RBM42: variants seen among roughly 807,000 people sequenced by gnomAD.
RBM42 encodes RNA-binding protein 42.
A neutral mutation model predicts 41.4 loss-of-function variants in RBM42; 21 were observed. That is an observed-to-expected ratio of 0.51 (90% CI 0.36 to 0.73). RBM42 has a LOEUF of 0.73. RBM42 is among the 30% of genes least tolerant of loss of function. The pLI is 0.00. For synonymous variants in RBM42, 272 were observed against 271.2 expected (o/e 1.00, Z -0.03); for missense variants, 539 against 680.4 (o/e 0.79, Z 2.31).
chr19:35,631,762 T>C (rs1967410756), intron 4 of RBM42: 3 of 300,208 alleles, frequency 1.0e-5, no homozygotes, highest in South Asian at 7.0e-5. Context: ...GGAAGCATTA[T>C]GTACTGTCTG....
At chr19:35,631,765 A>G (rs891986010) in intron 4 of RBM42, 2 of 296,040 alleles carry the variant, frequency 6.8e-6, no homozygotes, top group Non-Finnish European at 1.3e-5. Flanking sequence ...AGCATTATGT[A>G]CTGTCTGTTG....
intron 2 of RBM42, among the ~76,000 whole-genome samples, chr19:35,630,495 C>A (rs571431151): frequency 5.9e-4 from 88 of 149,422 alleles, no homozygotes; most frequent in Non-Finnish European, 7.9e-4. Context: ...TGGCCAGGCA[C>A]GGTTGCTCAC....
rs1967510785 is a variant in RBM42 at position 35,637,102 on chromosome 19, G to A, written c.1136-56G>A. 1 of 1,507,462 alleles carries A rather than the reference G, an allele frequency of 6.6e-7. No individual in the cohort carries two copies. The highest frequency in any genetic ancestry group is 9.0e-7 in the Non-Finnish European group (1 of 1,108,464). 93.4% of individuals were successfully genotyped at this position (1,507,462 alleles called of 1,614,324 possible). On this transcript the variant is annotated intron_variant, in intron 8 of 9. Transcript: ENST00000262633. The surrounding 1 kb of genome is among the most constrained non-coding windows in gnomAD (Gnocchi z 7.0). ...GAAAAGGTGGGATCGTTCAGACAAG[G>A]TAGACACTGGGCAAGGCCTCTGCAT...
rs890311140 is a variant in RBM42 at position 35,637,334 on chromosome 19, G to A, written c.1312G>A (p.Ala438Thr). 4 of 1,614,210 alleles carry A rather than the reference G, an allele frequency of 2.5e-6. No homozygotes were observed. Among genetic ancestry groups the A allele is most frequent in the South Asian group, 1.1e-5 (1 of 91,090 alleles). Reference sequence around the variant, plus strand: ...CAAGGACCCCAGCGACTACGTGCGCGCCATGCGTGAGATGAATGGTGGGTG... The same window carrying A: ...CAAGGACCCCAGCGACTACGTGCGCACCATGCGTGAGATGAATGGTGGGTG... ...SFKDPSDYVR[A>T]MREMNGKYVG... The change falls in exon 9 of 10, where the codon GCC (alanine) becomes ACC (threonine). Residue 438 changes from alanine to threonine, a missense_variant. Ala to Thr is a moderately conservative substitution (Grantham distance 58). Coordinates refer to ENST00000262633, the MANE Select transcript of RBM42 (RefSeq NM_024321.5). This position sits in a 1 kb window ranked among gnomAD's most constrained non-coding sequence, Gnocchi z 7.0.
Position 35,631,369 on chromosome 19 carries a change from C to T in RBM42, c.406C>T (p.Pro136Ser). 4 of 1,614,186 alleles carry T rather than the reference C, an allele frequency of 2.5e-6. No homozygotes were observed. Among genetic ancestry groups the T allele is most frequent in the Non-Finnish European group, 2.5e-6 (3 of 1,180,032 alleles). The change falls in exon 4 of 10, where the codon CCA becomes TCA. Residue 136 changes from proline to serine, a missense_variant. Transcript: ENST00000262633. ...TGGTGATCGGAGTCACCTGGACAGC[C>T]CAGAGGCTCGAGAAGCCATGTTCCT... ...GPGDRSHLDSPEAREAMFLRR... is the reference protein window; with the variant it reads ...GPGDRSHLDSSEAREAMFLRR...
At chr19:35,635,762 C>T (rs1023897627) in intron 8 of RBM42, among the ~76,000 whole-genome samples, 6 of 152,136 alleles carry the variant, frequency 3.9e-5, no homozygotes, top group Non-Finnish European at 2.9e-5. Context: ...CCTTGTGATC[C>T]GCCTGCCTCA....
chr19:35,632,965 C>T lies in RBM42; in HGVS notation c.472C>T (p.Arg158Cys), dbSNP rs756220812. ...GGCCCCCCAGAGGGCCCCTATCCTGCGTCCAGCCTTCGTCCCCCACGTGCT... is the reference window on the plus strand; with the variant it reads ...GGCCCCCCAGAGGGCCCCTATCCTGTGTCCAGCCTTCGTCCCCCACGTGCT... ...AVAPQRAPIL[R>C]PAFVPHVLQR... Residue 158 changes from arginine to cysteine, a missense_variant, in exon 5 of 10, where the codon CGT (arginine) becomes TGT (cysteine). By Grantham distance (180) the Arg-to-Cys change is radical. Coordinates refer to ENST00000262633, the MANE Select transcript of RBM42 (RefSeq NM_024321.5). 27 of 1,606,652 alleles carry T rather than the reference C, an allele frequency of 1.7e-5. No individual in the cohort carries two copies. The East Asian group carries it at 2.7e-4, about 16-fold the overall frequency.
chr19:35,634,300 GA>G lies in RBM42; in HGVS notation c.1065del (p.Lys355AsnfsTer2). ...GEDKKKGKPE[K>X]LKRCIRTAAG... Reference sequence around the variant, plus strand: ...AAGACAAGAAGAAGGGGAAGCCAGAGAAATTGAAACGGTGCATTCGCACAGC... The same window carrying G: ...AAGACAAGAAGAAGGGGAAGCCAGAGAATTGAAACGGTGCATTCGCACAGC... On this transcript the variant is annotated frameshift_variant, in exon 8 of 10. Transcript: ENST00000262633. LOFTEE classifies it high-confidence loss of function. 6.2e-7 allele frequency: 1 copy of G among 1,614,200 alleles called. No individual in the cohort carries two copies. Among genetic ancestry groups the G allele is most frequent in the South Asian group, 1.1e-5 (1 of 91,060 alleles).
Position 35,637,126 on chromosome 19 carries a change from A to G in RBM42, c.1136-32A>G. 6.3e-7 allele frequency: 1 copy of G among 1,581,124 alleles called. No individual in the cohort carries two copies. The highest frequency in any genetic ancestry group is 8.6e-7 in the Non-Finnish European group (1 of 1,161,062). ...GGTAGACACTGGGCAAGGCCTCTGCATCCTCTGATGTCATCTCTTCCCCAT... is the reference window on the plus strand; with the variant it reads ...GGTAGACACTGGGCAAGGCCTCTGCGTCCTCTGATGTCATCTCTTCCCCAT... On this transcript the variant is annotated intron_variant, in intron 8 of 9. Coordinates refer to ENST00000262633, the MANE Select transcript of RBM42 (RefSeq NM_024321.5). This position sits in a 1 kb window ranked among gnomAD's most constrained non-coding sequence, Gnocchi z 7.0.
In RBM42 at chr19:35,629,657, C is replaced by G; in HGVS notation, c.266C>G (p.Thr89Ser). The change falls in exon 2 of 10, where the codon ACC becomes AGC. Residue 89 changes from threonine to serine, a missense_variant. Around this residue, in one of 2 missense-constraint regions of RBM42, gnomAD observed 429 missense variants for 488.9 expected, o/e 0.88. Coordinates refer to ENST00000262633, the MANE Select transcript of RBM42 (RefSeq NM_024321.5). ...CCTGTGATCCGCCCAATTATCGCGACCAACACATACCAGCAGGTACGGCTG... is the reference window on the plus strand; with the variant it reads ...CCTGTGATCCGCCCAATTATCGCGAGCAACACATACCAGCAGGTACGGCTG... ...AAPVIRPIIA[T>S]NTYQQVQQTL... 6.2e-7 allele frequency: 1 copy of G among 1,614,170 alleles called. No individual in the cohort carries two copies. The highest frequency in any genetic ancestry group is 8.5e-7 in the Non-Finnish European group (1 of 1,180,024).
In RBM42 at chr19:35,637,462, C is replaced by T; in HGVS notation, c.1351C>T (p.Pro451Ser). The T allele has an allele frequency of 6.2e-7, 1 of 1,614,240 alleles. No homozygotes were observed. The highest frequency in any genetic ancestry group is 2.2e-5 in the East Asian group (1 of 44,890). ...EMNGKYVGSR[P>S]IKLRKSMWKD... is the part of the protein sequence containing the mutation. ...CACAGGGAAGTATGTGGGCTCGCGC[C>T]CCATCAAGCTTCGCAAGAGCATGTG... Residue 451 changes from proline to serine, a missense_variant, in exon 10 of 10, where the codon CCC becomes TCC. This residue lies in a region of RBM42 where 110 missense variants were observed against 191.5 expected (regional missense o/e 0.57). Transcript: ENST00000262633. This position sits in a 1 kb window ranked among gnomAD's most constrained non-coding sequence, Gnocchi z 7.0.
chr19:35,629,301 G>C lies in RBM42; in HGVS notation c.128+20G>C. On this transcript the variant is annotated intron_variant, in intron 1 of 9. Coordinates refer to ENST00000262633, the MANE Select transcript of RBM42 (RefSeq NM_024321.5). Reference sequence around the variant, plus strand: ...GGCCCTGTAAGGCCCGCGACAGAGAGTGATAAAAGTCGTCCCAGAGCCAGA... The same window carrying C: ...GGCCCTGTAAGGCCCGCGACAGAGACTGATAAAAGTCGTCCCAGAGCCAGA... 6.6e-7 allele frequency: 1 copy of C among 1,504,296 alleles called. No individual in the cohort carries two copies. Among genetic ancestry groups the C allele is most frequent in the Non-Finnish European group, 8.9e-7 (1 of 1,128,132 alleles). 93.2% of individuals were successfully genotyped at this position (1,504,296 alleles called of 1,614,324 possible).
chr19:35,629,818 A>C, intron 2 of RBM42, 145 bp downstream of exon 2: 1 of 838,164 alleles, frequency 1.2e-6, no homozygotes, highest in Non-Finnish European at 1.8e-6. Context: ...AGAACACAGT[A>C]ATGACTGAGA....
chr19:35,636,410 T>C (rs1967499506), intron 8 of RBM42, among the ~76,000 whole-genome samples: 1 of 152,190 alleles, frequency 6.6e-6, no homozygotes. Context: ...TCCACCTGCC[T>C]CAGCCTCCCA....
intron 8 of RBM42, among the ~76,000 whole-genome samples, chr19:35,635,178 T>C (rs1967474639): frequency 1.3e-5 from 2 of 151,498 alleles, no homozygotes; most frequent in Admixed American, 1.3e-4. Flanking sequence ...TAGCCAGGCT[T>C]GGTGGGAGGC....
rs767262889 is a variant in RBM42, at chr19:35,631,365, C to G, written c.402C>G (p.Asp134Glu). The G allele has an allele frequency of 5.0e-5, 80 of 1,614,134 alleles. No individual in the cohort carries two copies. Among genetic ancestry groups the G allele is most frequent in the Non-Finnish European group, 5.9e-5 (70 of 1,180,054 alleles). ...GCCCTGGTGATCGGAGTCACCTGGA[C>G]AGCCCAGAGGCTCGAGAAGCCATGT... ...GFGPGDRSHL[D>E]SPEAREAMFL... The change falls in exon 4 of 10, where the codon GAC (aspartate) becomes GAG (glutamate). Residue 134 changes from aspartate to glutamate, a missense_variant. Transcript: ENST00000262633.
chr19:35,632,621 C>T (rs1967424788), intron 4 of RBM42, among the ~76,000 whole-genome samples: 1 of 152,040 alleles, frequency 6.6e-6, no homozygotes, highest in South Asian at 2.1e-4. Flanking sequence ...CAGCGCTGGT[C>T]CCCACTGGCT....
intron 4 of RBM42, chr19:35,631,727 C>T (rs995026170): frequency 5.2e-6 from 2 of 385,970 alleles, no homozygotes; most frequent in Non-Finnish European, 9.5e-6. Context: ...CCATGAGGGG[C>T]AGAAGTCTCA....
Position 35,631,015 on chromosome 19 carries a change from A to G in RBM42, c.283-125A>G. 3.6e-6 allele frequency: 3 copies of G among 823,620 alleles called. No individual in the cohort carries two copies. The South Asian group carries it at 4.6e-5, about 13-fold the overall frequency. 51.0% of individuals were successfully genotyped at this position (823,620 alleles called of 1,614,324 possible). Reference sequence around the variant, plus strand: ...CTCCCCGAGAAGTGGCATTTTAGCTAAGACCTGAGATAGCCAGCCACATAC... The same window carrying G: ...CTCCCCGAGAAGTGGCATTTTAGCTGAGACCTGAGATAGCCAGCCACATAC... On this transcript the variant is annotated intron_variant, in intron 2 of 9. Transcript: ENST00000262633.
Sources: allele counts gnomAD v4.1 joint callset (sites outside exome capture counted in the v4.1 genomes callset), GRCh38; gene constraint gnomAD v4.1.1; regional missense constraint gnomAD v4.1.1; non-coding constraint Gnocchi (gnomAD v3.1); transcripts MANE v1.5; gene names NCBI Gene and HGNC (gene_info 2026-07-23, HGNC 2026-07-21).